ZNF578: variants seen among roughly 807,000 people sequenced by gnomAD.
ZNF578 encodes the protein Putative chemokine-related protein B42.
ZNF578 carries 8 observed loss-of-function variants against 8.3 expected under a neutral mutation model. The observed-to-expected ratio is 0.96, with a 90% CI of 0.56 to 1.74. The LOEUF (loss-of-function observed/expected upper bound fraction) is 1.74, where lower values mean the gene tolerates loss of function less well. Among genes scored for constraint, ZNF578 ranks in the 40% most tolerant of loss-of-function variants. ZNF578 has a pLI of 0.00. For missense variants in ZNF578, 726 were observed against 707.5 expected, an observed-to-expected ratio of 1.03 and a Z score of -0.30; for synonymous variants, 206 against 232.2, an observed-to-expected ratio of 0.89 and a Z score of 1.03.
chr19:52,475,584 T>G (rs2059305884), intron 2 of ZNF578, among the ~76,000 whole-genome samples: 1 of 152,062 alleles, frequency 6.6e-6, no homozygotes. Context: ...GTCTCGAACC[T>G]CTGATCTCAT....
Position 52,514,390 on chromosome 19 carries a change from T to A in ZNF578, c.*2236T>A, listed in dbSNP as rs1190185973. On this transcript the variant is annotated 3_prime_UTR_variant, in exon 6 of 6. Transcript: ENST00000421239. ...ATCGAGGTCTGCATGCTTTCTAGTC[T>A]TTGTTATTTATTGGAAGGCTGTGGT... Among the ~76,000 whole-genome samples, 1 of 152,226 alleles carries A rather than the reference T, an allele frequency of 6.6e-6. No individual in the cohort carries two copies. The highest frequency in any genetic ancestry group is 1.5e-5 in the Non-Finnish European group (1 of 68,044).
intron 2 of ZNF578, among the ~76,000 whole-genome samples, chr19:52,469,837 G>C (rs1423798156): frequency 6.6e-6 from 1 of 152,120 alleles, no homozygotes; most frequent in Non-Finnish European, 1.5e-5. Flanking sequence ...AAGCTTCTAA[G>C]GGTACCCTGG....
At chr19:52,490,217 C>G (rs2059360725) in intron 2 of ZNF578, among the ~76,000 whole-genome samples, 1 of 152,076 alleles carries the variant, frequency 6.6e-6, no homozygotes, top group Non-Finnish European at 1.5e-5. Context: ...TATAAAATTG[C>G]TCTATTGCCT....
intron 3 of ZNF578, among the ~76,000 whole-genome samples, chr19:52,496,917 A>G (rs148305112): frequency 0.091 from 13,718 of 150,352 alleles, 669 homozygotes; most frequent in African/African-American, 0.12. Flanking sequence ...GATTACAGGC[A>G]TGAGCCGCCG....
In ZNF578 at chr19:52,511,288, A is replaced by T; in HGVS notation, c.907A>T (p.Thr303Ser). 6.2e-7 allele frequency: 1 copy of T among 1,614,034 alleles called. No individual in the cohort carries two copies. Among genetic ancestry groups the T allele is most frequent in the Non-Finnish European group, 8.5e-7 (1 of 1,179,980 alleles). Residue 303 changes from threonine to serine, a missense_variant, in exon 6 of 6, where the codon ACA becomes TCA. Coordinates refer to ENST00000421239, the MANE Select transcript of ZNF578 (RefSeq NM_001099694.2). ...GTCCTTCAGTTACAAGTCATCCCTGACATGCCATCGTAGATGTCACACTGG... is the reference window on the plus strand; with the variant it reads ...GTCCTTCAGTTACAAGTCATCCCTGTCATGCCATCGTAGATGTCACACTGG... ...GKSFSYKSSL[T>S]CHRRCHTGEK... is the part of the protein sequence containing the mutation.
intron 2 of ZNF578, among the ~76,000 whole-genome samples, chr19:52,477,346 C>T (rs1172983181): frequency 6.6e-6 from 1 of 151,974 alleles, no homozygotes; most frequent in Non-Finnish European, 1.5e-5. Context: ...ATATGAATGC[C>T]CTTATTGTTT....
rs1163426791 is a variant in ZNF578 at position 52,515,327 on chromosome 19, C to CT, written c.*3174dup. 3.3e-5 allele frequency among the ~76,000 whole-genome samples: 5 copies of CT among 152,304 alleles called. No individual in the cohort carries two copies. In the East Asian group the frequency reaches 9.6e-4, roughly 29 times the overall value. On this transcript the variant is annotated 3_prime_UTR_variant, in exon 6 of 6. Coordinates refer to ENST00000421239, the MANE Select transcript of ZNF578 (RefSeq NM_001099694.2). ...TAGTTCTACAGCTGACCCTCTTTCA[C>CT]TGTTTCCAAGGTCAATAGCTGTGTG...
intron 2 of ZNF578, chr19:52,458,941 C>G (rs1159471527): frequency 6.6e-6 from 1 of 152,072 alleles, no homozygotes; most frequent in Non-Finnish European, 1.5e-5. Flanking sequence ...ATTTGGAAAA[C>G]CCCTCCATTT....
At chr19:52,495,967 T>C (rs1568463334) in intron 3 of ZNF578, among the ~76,000 whole-genome samples, 1 of 152,154 alleles carries the variant, frequency 6.6e-6, no homozygotes, top group Non-Finnish European at 1.5e-5. Context: ...TTTTCTCTTT[T>C]TGTAATTGGT....
chr19:52,458,503 T>C (rs2059246629), intron 2 of ZNF578: 1 of 112,328 alleles, frequency 8.9e-6, no homozygotes, highest in South Asian at 2.9e-4. Context: ...CTGGGAAAAA[T>C]GACAACCCTC....
chr19:52,456,129 CCTT>C (rs2059238989), intron 1 of ZNF578: 1 of 152,288 alleles, frequency 6.6e-6, no homozygotes, highest in Non-Finnish European at 1.5e-5. Flanking sequence ...TCTGATATCA[CCTT>C]CTCAGTGAAG....
intron 2 of ZNF578, among the ~76,000 whole-genome samples, chr19:52,471,062 G>A (rs1255088788): frequency 6.6e-6 from 1 of 152,172 alleles, no homozygotes; most frequent in Non-Finnish European, 1.5e-5. Flanking sequence ...GCCATGTGAA[G>A]TGCCTGCTCT....
intron 3 of ZNF578, among the ~76,000 whole-genome samples, chr19:52,491,635 C>A (rs167829): frequency 0.074 from 11,221 of 151,008 alleles, 449 homozygotes; most frequent in Middle Eastern, 0.17. Context: ...GAATAGCTTC[C>A]ACCCAGTAGG....
chr19:52,507,513 G>A (rs2059429570), intron 5 of ZNF578, among the ~76,000 whole-genome samples: 1 of 152,202 alleles, frequency 6.6e-6, no homozygotes, highest in African/African-American at 2.4e-5. Context: ...TCCAGCCTGG[G>A]TGATGAAGCA....
Position 52,513,337 on chromosome 19 carries a change from CTTTTTTTTTT to C in ZNF578, c.*1198_*1207del, listed in dbSNP as rs11318311. 0.016 allele frequency among the ~76,000 whole-genome samples: 1,656 copies of C among 101,412 alleles called. 42 individuals carry two copies. Among genetic ancestry groups the C allele is most frequent in the East Asian group, 0.047 (132 of 2,830 alleles). The allele number at this position is 101,412 out of a possible 152,430, so 66.5% of individuals were successfully genotyped here. A position where few individuals can be genotyped will look rare whatever the true frequency, so the allele number is the denominator to read the frequency against. ...GCGCCTGGCATTGTTTCTTCTTTTC[CTTTTTTTTTT>C]TTTTTTTTTTTTTTGAGATAGTACT... On this transcript the variant is annotated 3_prime_UTR_variant, in exon 6 of 6. Coordinates refer to ENST00000421239, the MANE Select transcript of ZNF578 (RefSeq NM_001099694.2).
intron 4 of ZNF578, among the ~76,000 whole-genome samples, chr19:52,502,627 C>T (rs1260189248): frequency 6.6e-6 from 1 of 152,138 alleles, no homozygotes; most frequent in Non-Finnish European, 1.5e-5. Flanking sequence ...ATCTCAGCTA[C>T]TTAGGAGACG....
intron 2 of ZNF578, among the ~76,000 whole-genome samples, chr19:52,485,603 A>T (rs1355358495): frequency 6.6e-6 from 1 of 152,092 alleles, no homozygotes; most frequent in Non-Finnish European, 1.5e-5. Flanking sequence ...GACATAAGAG[A>T]CTTCCTTTTG....
At chr19:52,479,477 G>A (rs532387762) in intron 2 of ZNF578, among the ~76,000 whole-genome samples, 96 of 148,868 alleles carry the variant, frequency 6.4e-4, no homozygotes, top group Admixed American at 6.1e-4. Context: ...AGAGCTTGCA[G>A]TGAGCGGAGA....
rs538173130 is a variant in ZNF578 at position 52,510,812 on chromosome 19, A to T, written c.431A>T (p.Gln144Leu). ...ATGGGTAGCACAGACCGACATGATCAAAGGCATGCTGGAAACAAGCCTATT... is the reference window on the plus strand; with the variant it reads ...ATGGGTAGCACAGACCGACATGATCTAAGGCATGCTGGAAACAAGCCTATT... ...ELMGSTDRHD[Q>L]RHAGNKPIKD... The change falls in exon 6 of 6, where the codon CAA becomes CTA. Residue 144 changes from glutamine to leucine, a missense_variant. By Grantham distance (113) the Gln-to-Leu change is moderately radical. Coordinates refer to ENST00000421239, the MANE Select transcript of ZNF578 (RefSeq NM_001099694.2). The T allele has an allele frequency of 6.2e-7, 1 of 1,614,216 alleles. No homozygotes were observed. The highest frequency in any genetic ancestry group is 1.3e-5 in the African/African-American group (1 of 75,064).
Sources: gnomAD v4.1 joint callset for allele counts (sites outside exome capture counted in the v4.1 genomes callset) on GRCh38, gnomAD v4.1.1 for gene constraint, MANE v1.5 for transcripts, NCBI Gene and HGNC (gene_info 2026-07-23, HGNC 2026-07-21) for gene names.